Variants in CDC20B observed in about 807,000 individuals in gnomAD.
The protein encoded by CDC20B is cell division cycle protein 20 homolog B.
CDC20B carries 58 observed loss-of-function variants against 64.1 expected under a neutral mutation model. That is an observed-to-expected ratio of 0.90 (90% CI 0.73 to 1.13). The LOEUF (loss-of-function observed/expected upper bound fraction) is 1.13, where lower values mean the gene tolerates loss of function less well. Among genes scored for constraint, CDC20B ranks in the 50% most tolerant of loss-of-function variants. The probability of loss-of-function intolerance (pLI) is 0.00; values close to 1 mark genes in which losing one functional copy is unlikely to be tolerated. For synonymous variants in CDC20B, 243 were observed against 230.6 expected (o/e 1.05, Z -0.49); for missense variants, 597 against 633.0 (o/e 0.94, Z 0.61).
chr5:55,155,657 C>T (rs1007600283), intron 2 of CDC20B, among the ~76,000 whole-genome samples: 8 of 152,246 alleles, frequency 5.3e-5, no homozygotes, highest in African/African-American at 1.9e-4. Flanking sequence ...ATATGACCCA[C>T]ACACTGTCAA....
At chr5:55,172,259 C>T (rs1744622912) in intron 2 of CDC20B, 1 of 233,898 alleles carries the variant, frequency 4.3e-6, no homozygotes, top group Non-Finnish European at 8.5e-6. Context: ...CTTTGGGGGG[C>T]GTGCTTCTGA....
intron 7 of CDC20B, 134 bp downstream of exon 7, chr5:55,128,287 T>C (rs1742943774): frequency 5.3e-6 from 3 of 563,502 alleles, no homozygotes; most frequent in Non-Finnish European, 5.7e-6. Flanking sequence ...AAGCGGAATG[T>C]CATCTCCTTT....
chr5:55,168,000 T>G (rs1440520805), intron 2 of CDC20B, among the ~76,000 whole-genome samples: 5 of 152,148 alleles, frequency 3.3e-5, no homozygotes, highest in African/African-American at 1.2e-4. Flanking sequence ...CCACATTGAT[T>G]TGTGGTGTTC....
At position 55,114,242 on chromosome 5, in the gene CDC20B, C is replaced by T. The variant is rs749147711; in HGVS notation, c.1536G>A (p.Thr512=). 4 of 1,613,706 alleles carry T rather than the reference C, an allele frequency of 2.5e-6. No individual in the cohort carries two copies. Among genetic ancestry groups the T allele is most frequent in the Non-Finnish European group, 1.7e-6 (2 of 1,179,764 alleles). Reference sequence around the variant, plus strand: ...GCTAGTAGCAATTCCATACAGAGGCCGTCCCATCAGCTGCAGCAGAAAACA... The same window carrying T: ...GCTAGTAGCAATTCCATACAGAGGCTGTCCCATCAGCTGCAGCAGAAAACA... ...TRVFSAAADG[T]ASVWNCY Residue 512 remains threonine, a synonymous_variant, in exon 12 of 12, where the codon ACG becomes ACA. Coordinates refer to ENST00000381375, the MANE Select transcript of CDC20B (RefSeq NM_001170402.1). The surrounding 1 kb of genome is among the most constrained non-coding windows in gnomAD (Gnocchi z 4.1).
rs577618266 is a variant in CDC20B at position 55,156,576 on chromosome 5, C to T, written c.127-9720G>A. Among the ~76,000 whole-genome samples, 342 of 152,162 alleles carry T rather than the reference C, an allele frequency of 2.2e-3. 3 individuals are homozygous for T. The highest frequency in any genetic ancestry group is 7.9e-3 in the African/African-American group (326 of 41,516). On this transcript the variant is annotated intron_variant, in intron 2 of 11. Coordinates refer to ENST00000381375, the MANE Select transcript of CDC20B (RefSeq NM_001170402.1). ...AAGATTGTGTGCAGTATAAAGCTCT[C>T]TAAAAACATAAGTCACTGGCCAGGC...
intron 2 of CDC20B, among the ~76,000 whole-genome samples, chr5:55,156,271 A>G (rs905719328): frequency 6.6e-6 from 1 of 152,156 alleles, no homozygotes; most frequent in Admixed American, 6.5e-5. Context: ...TGTGGGGATT[A>G]TTACAATTCA....
Position 55,140,591 on chromosome 5 carries a change from C to T in CDC20B, c.487-184G>A, listed in dbSNP as rs112601145. Among the ~76,000 whole-genome samples the T allele has an allele frequency of 5.1e-3, 783 of 152,320 alleles. 10 individuals are homozygous for T. Among genetic ancestry groups the T allele is most frequent in the African/African-American group, 0.018 (749 of 41,560 alleles). Reference sequence around the variant, plus strand: ...ACTAAACAATATATTATGAACAGTGCTGAGCATTTTACATATATTATTTCT... The same window carrying T: ...ACTAAACAATATATTATGAACAGTGTTGAGCATTTTACATATATTATTTCT... On this transcript the variant is annotated intron_variant, in intron 4 of 11. Transcript: ENST00000381375.
In CDC20B at chr5:55,172,987, A is replaced by G. The variant is rs1348060018; in HGVS notation, c.14T>C (p.Leu5Pro). 2 of 1,611,888 alleles carry G rather than the reference A, an allele frequency of 1.2e-6. No individual in the cohort carries two copies. The highest frequency in any genetic ancestry group is 1.7e-5 in the Admixed American group (1 of 59,820). Residue 5 changes from leucine to proline, a missense_variant, in exon 1 of 12, where the codon CTG becomes CCG. Leu to Pro is a moderately conservative substitution (Grantham distance 98, BLOSUM62 -3). This residue lies in a region of CDC20B where 241 missense variants were observed against 219.2 expected (regional missense o/e 1.10). Coordinates refer to ENST00000381375, the MANE Select transcript of CDC20B (RefSeq NM_001170402.1). ...GACCCTCCGAGGCGCGGTGCGCTCC[A>G]GTTTCCACTCCATCTCCGGCTGACT... is the stretch of plus-strand genomic sequence containing the variant. Reference protein sequence around the residue: MEWKLERTAPRRVRT... With the variant: MEWKPERTAPRRVRT...
At chr5:55,151,367 T>C (rs1743663632) in intron 2 of CDC20B, among the ~76,000 whole-genome samples, 1 of 152,198 alleles carries the variant, frequency 6.6e-6, no homozygotes, top group South Asian at 2.1e-4. Flanking sequence ...GGCTCCACTA[T>C]GTCCAGGTAG....
chr5:55,126,106 G>C (rs1742880603), intron 8 of CDC20B, among the ~76,000 whole-genome samples: 1 of 152,186 alleles, frequency 6.6e-6, no homozygotes, highest in Non-Finnish European at 1.5e-5. Flanking sequence ...AGGAGCTTGA[G>C]TACATAATTG....
chr5:55,140,204 T>C (rs1457434861), intron 5 of CDC20B, 110 bp downstream of exon 5: 5 of 565,630 alleles, frequency 8.8e-6, no homozygotes, highest in Admixed American at 7.5e-5. Context: ...TACAATTAGG[T>C]TGATTTAGTC....
chr5:55,139,513 A>C (rs1743271318), intron 5 of CDC20B, among the ~76,000 whole-genome samples: 1 of 152,202 alleles, frequency 6.6e-6, no homozygotes, highest in African/African-American at 2.4e-5. Context: ...TGGAGCATTT[A>C]GAGGAAATAT....
At chr5:55,161,373 A>G (rs1295281854) in intron 2 of CDC20B, 17 of 970,726 alleles carry the variant, frequency 1.8e-5, no homozygotes, top group Non-Finnish European at 2.6e-5. Flanking sequence ...TCATAAAACT[A>G]TCATCAAAGA....
intron 2 of CDC20B, among the ~76,000 whole-genome samples, chr5:55,162,379 A>G (rs1220541265): frequency 6.6e-6 from 1 of 152,198 alleles, no homozygotes; most frequent in Non-Finnish European, 1.5e-5. Context: ...TGGGCGACAG[A>G]GCAAGCCTGC....
rs1742728271 is a variant in CDC20B at position 55,120,431 on chromosome 5, G to A, written c.1335C>T (p.Asn445=). The A allele has an allele frequency of 6.2e-7, 1 of 1,613,702 alleles. No individual in the cohort carries two copies. ...AGKSIQTPST[N]SQICSLIWLP... ...GCCCAGAGGAGATATTAACCTGTGAGTTTGTGCTTGGGGTCTGGATGCTCT... is the reference window on the plus strand; with the variant it reads ...GCCCAGAGGAGATATTAACCTGTGAATTTGTGCTTGGGGTCTGGATGCTCT... The change falls in exon 10 of 12, where the codon AAC becomes AAT. Residue 445 remains asparagine, a synonymous_variant. Transcript: ENST00000381375.
Position 55,127,315 on chromosome 5 carries a change from T to C in CDC20B, c.931A>G (p.Met311Val), listed in dbSNP as rs1742918381. ...CCAACTACTGACAAATGACCAAGCA[T>C]ATTTCTCAGCCGCTTTTTAGTTACC... is the stretch of plus-strand genomic sequence containing the variant. ...DVVTKKRLRN[M>V]LGHLSVVGAL... The change falls in exon 8 of 12, where the codon ATG becomes GTG. Residue 311 changes from methionine (M) to valine (V), a missense_variant. Coordinates refer to ENST00000381375, the MANE Select transcript of CDC20B (RefSeq NM_001170402.1). The C allele has an allele frequency of 6.2e-7, 1 of 1,614,110 alleles. No individual in the cohort carries two copies.
chr5:55,147,980 A>G (rs1743544600), intron 2 of CDC20B, among the ~76,000 whole-genome samples: 1 of 152,234 alleles, frequency 6.6e-6, no homozygotes, highest in East Asian at 1.9e-4. Context: ...AGCCTGTAGT[A>G]GTGAACCATC....
At chr5:55,141,903 A>C (rs903635398) in intron 4 of CDC20B, among the ~76,000 whole-genome samples, 1 of 152,172 alleles carries the variant, frequency 6.6e-6, no homozygotes, top group African/African-American at 2.4e-5. Flanking sequence ...AGTTGTAACA[A>C]TGAAATGTCT....
intron 2 of CDC20B, among the ~76,000 whole-genome samples, chr5:55,155,799 G>A (rs979146900): frequency 3.3e-5 from 5 of 151,992 alleles, no homozygotes; most frequent in Admixed American, 6.5e-5. Context: ...AAGACTCTTC[G>A]CCTATCATCT....
Sources: allele counts gnomAD v4.1 joint callset (sites outside exome capture counted in the v4.1 genomes callset), GRCh38; gene constraint gnomAD v4.1.1; regional missense constraint gnomAD v4.1.1; non-coding constraint Gnocchi (gnomAD v3.1); transcripts MANE v1.5; gene names NCBI Gene and HGNC (gene_info 2026-07-23, HGNC 2026-07-21).